The following PIP4K2A variants were observed in gnomAD, a reference collection of about 807,000 sequenced individuals.
PIP4K2A encodes the protein phosphatidylinositol-5-phosphate 4-kinase type 2 alpha.
Under a neutral mutation model 42.9 loss-of-function variants are expected in PIP4K2A, and 14 were observed. The ratio of observed to expected loss-of-function variants is 0.33; its 90% CI spans 0.22 to 0.51. PIP4K2A has a LOEUF of 0.51. PIP4K2A is among the 20% of genes least tolerant of loss of function. The pLI, the probability that PIP4K2A is intolerant of heterozygous loss-of-function variation, is 0.97. For missense variants in PIP4K2A, 434 were observed against 519.8 expected, an observed-to-expected ratio of 0.83 and a Z score of 1.61; for synonymous variants, 192 against 192.2, an observed-to-expected ratio of 1.00 and a Z score of 0.01.
At chr10:22,646,869 T>A (rs1466297417) in intron 1 of PIP4K2A, among the ~76,000 whole-genome samples, 4 of 152,158 alleles carry the variant, frequency 2.6e-5, no homozygotes, top group Non-Finnish European at 5.9e-5. Context: ...CTTTCTATTG[T>A]ATGCATATTA....
chr10:22,578,996 G>C (rs1437331943), intron 4 of PIP4K2A, among the ~76,000 whole-genome samples: 4 of 152,112 alleles, frequency 2.6e-5, no homozygotes, highest in Non-Finnish European at 5.9e-5. Flanking sequence ...AAAAAAACCT[G>C]TCATTTATGA....
intron 1 of PIP4K2A, among the ~76,000 whole-genome samples, chr10:22,702,134 C>G (rs1238102462): frequency 2.6e-5 from 4 of 152,308 alleles, no homozygotes; most frequent in African/African-American, 9.6e-5. Context: ...TATCTTAAGA[C>G]TTGAAGAATG....
At chr10:22,664,130 C>CGT (rs1478006977) in intron 1 of PIP4K2A, among the ~76,000 whole-genome samples, 36 of 40,184 alleles carry the variant, frequency 9.0e-4, no homozygotes, top group African/African-American at 5.2e-3. Context: ...TATATATATA[C>CGT]ATATATATAT....
chr10:22,593,479 C>G (rs1837558482), intron 3 of PIP4K2A, among the ~76,000 whole-genome samples: 1 of 152,158 alleles, frequency 6.6e-6, no homozygotes, highest in African/African-American at 2.4e-5. Context: ...ATGAAAATGC[C>G]TACATTAACA....
chr10:22,550,857 A>G, intron 6 of PIP4K2A, 85 bp from the exon 7 acceptor site: 1 of 817,254 alleles, frequency 1.2e-6, no homozygotes, highest in Non-Finnish European at 2.1e-6. Flanking sequence ...TGGACACTGA[A>G]GTTTGCCCCT....
intron 5 of PIP4K2A, among the ~76,000 whole-genome samples, chr10:22,570,028 A>G (rs530179555): frequency 6.6e-6 from 1 of 152,102 alleles, no homozygotes; most frequent in East Asian, 1.9e-4. Context: ...ACTCCAAGAT[A>G]TGTTTACCAG....
intron 1 of PIP4K2A, among the ~76,000 whole-genome samples, chr10:22,713,604 T>C (rs1833955255): frequency 2.0e-5 from 3 of 152,184 alleles, no homozygotes; most frequent in Non-Finnish European, 2.9e-5. Context: ...CCCAGTAATA[T>C]TGCCTTTAAA....
intron 3 of PIP4K2A, among the ~76,000 whole-genome samples, chr10:22,599,429 G>T (rs556450920): frequency 1.6e-4 from 24 of 152,072 alleles, no homozygotes; most frequent in Non-Finnish European, 2.5e-4. Flanking sequence ...TTTGTGACTG[G>T]CCCAAACATT....
chr10:22,560,197 T>A (rs61088979), intron 6 of PIP4K2A, among the ~76,000 whole-genome samples: 1 of 152,148 alleles, frequency 6.6e-6, no homozygotes, highest in African/African-American at 2.4e-5. Context: ...ATTAGCTGAA[T>A]TGAGGGCCTA....
intron 1 of PIP4K2A, among the ~76,000 whole-genome samples, chr10:22,708,429 A>G (rs951826819): frequency 6.6e-6 from 1 of 152,142 alleles, no homozygotes; most frequent in Non-Finnish European, 1.5e-5. Context: ...TCCCAGCCCT[A>G]GTGGCTCCCG....
chr10:22,568,009 A>G, intron 5 of PIP4K2A, 120 bp from the exon 6 acceptor site: 1 of 880,110 alleles, frequency 1.1e-6, no homozygotes, highest in Non-Finnish European at 1.9e-6. Context: ...TCTGCTTCGC[A>G]GCCCATGCGG....
chr10:22,617,245 A>T (rs1838196587), intron 1 of PIP4K2A, among the ~76,000 whole-genome samples: 1 of 152,226 alleles, frequency 6.6e-6, no homozygotes, highest in South Asian at 2.1e-4. Flanking sequence ...AGGAAAAGAG[A>T]GGTTGCAATT....
At chr10:22,661,432 C>G (rs1839203378) in intron 1 of PIP4K2A, among the ~76,000 whole-genome samples, 1 of 149,000 alleles carries the variant, frequency 6.7e-6, no homozygotes, top group Admixed American at 6.7e-5. Context: ...TCATAGCTCA[C>G]TGCAGCCTCG....
intron 1 of PIP4K2A, among the ~76,000 whole-genome samples, chr10:22,662,125 T>C (rs1839215272): frequency 6.6e-6 from 1 of 152,194 alleles, no homozygotes; most frequent in South Asian, 2.1e-4. Flanking sequence ...GGGGAAAAGC[T>C]GTCTTTATTT....
At chr10:22,654,906 G>A (rs1264380522) in intron 1 of PIP4K2A, among the ~76,000 whole-genome samples, 1 of 152,096 alleles carries the variant, frequency 6.6e-6, no homozygotes, top group Admixed American at 6.6e-5. Flanking sequence ...GTGGGCCTGG[G>A]GCTTTACCCA....
At chr10:22,627,995 C>T (rs1054501440) in intron 1 of PIP4K2A, among the ~76,000 whole-genome samples, 1 of 152,202 alleles carries the variant, frequency 6.6e-6, no homozygotes, top group Admixed American at 6.5e-5. Flanking sequence ...CAGGAACCAA[C>T]TACAAGAAAC....
chr10:22,572,871 A>T (rs1402317948), intron 5 of PIP4K2A, among the ~76,000 whole-genome samples: 1 of 152,040 alleles, frequency 6.6e-6, no homozygotes, highest in East Asian at 1.9e-4. Context: ...CTCCAATGTC[A>T]TCTTTCTCAG....
At chr10:22,562,520 G>A (rs1836736891) in intron 6 of PIP4K2A, among the ~76,000 whole-genome samples, 1 of 152,216 alleles carries the variant, frequency 6.6e-6, no homozygotes, top group Non-Finnish European at 1.5e-5. Context: ...CTGCACTCCA[G>A]CCTGGGTGAC....
rs191407517 is a variant in PIP4K2A at position 22,679,167 on chromosome 10, G to T, written c.144+35016C>A. On this transcript the variant is annotated intron_variant, in intron 1 of 9. Coordinates refer to ENST00000376573, the MANE Select transcript of PIP4K2A (RefSeq NM_005028.5). Reference sequence around the variant, plus strand: ...ACTAATAAAATGAGAGAAAATATTTGCAAATCTGACAAGTGACTTTTACTC... The same window carrying T: ...ACTAATAAAATGAGAGAAAATATTTTCAAATCTGACAAGTGACTTTTACTC... 1.7e-3 allele frequency among the ~76,000 whole-genome samples: 265 copies of T among 152,186 alleles called. 2 individuals carry two copies. Among genetic ancestry groups the T allele is most frequent in the African/African-American group, 6.2e-3 (258 of 41,528 alleles).
Sources: gnomAD v4.1 joint callset for allele counts (sites outside exome capture counted in the v4.1 genomes callset) on GRCh38, gnomAD v4.1.1 for gene constraint, MANE v1.5 for transcripts, NCBI Gene and HGNC (gene_info 2026-07-23, HGNC 2026-07-21) for gene names.